RPS6KC1: variants seen among roughly 807,000 people sequenced by gnomAD.
RPS6KC1 encodes the protein ribosomal protein S6 kinase C1, also known as inactive ribosomal protein S6 kinase delta-1.
A neutral mutation model predicts 103.8 loss-of-function variants in RPS6KC1; 54 were observed. The observed-to-expected ratio is 0.52, with a 90% CI of 0.42 to 0.65. RPS6KC1 has a LOEUF of 0.65. Among genes scored for constraint, RPS6KC1 ranks in the 30% least tolerant of loss-of-function variants. The pLI, the probability that RPS6KC1 is intolerant of heterozygous loss-of-function variation, is 0.00. For synonymous variants in RPS6KC1, 439 were observed against 438.7 expected, an observed-to-expected ratio of 1.00 and a Z score of -0.01; for missense variants, 1,151 against 1,253.8, an observed-to-expected ratio of 0.92 and a Z score of 1.24.
the RPS6KC1 span, among the ~76,000 whole-genome samples, chr1:213,408,004 T>G: frequency 1.3e-5 from 2 of 152,228 alleles, no homozygotes; most frequent in South Asian, 4.1e-4. Flanking sequence ...GCTACAGATA[T>G]GGAAGCTCCA....
the RPS6KC1 span, among the ~76,000 whole-genome samples, chr1:213,764,111 C>T: frequency 6.6e-6 from 1 of 152,130 alleles, no homozygotes; most frequent in South Asian, 2.1e-4. Flanking sequence ...CAATATTTGT[C>T]GACTGGAAAT....
the RPS6KC1 span, among the ~76,000 whole-genome samples, chr1:213,636,543 G>A: frequency 6.6e-6 from 1 of 152,138 alleles, no homozygotes; most frequent in Non-Finnish European, 1.5e-5. Flanking sequence ...AAATGGTGCT[G>A]GGAGAACTGG....
At chr1:213,596,571 G>A in the RPS6KC1 span, among the ~76,000 whole-genome samples, 1 of 152,246 alleles carries the variant, frequency 6.6e-6, no homozygotes, top group Non-Finnish European at 1.5e-5. Flanking sequence ...CCCCTTGGGT[G>A]AGAGAACCCT....
At chr1:213,511,390 TG>T in the RPS6KC1 span, among the ~76,000 whole-genome samples, 1 of 152,154 alleles carries the variant, frequency 6.6e-6, no homozygotes, top group Non-Finnish European at 1.5e-5. Context: ...AGCAGCAGCC[TG>T]GGAAGGCATT....
At chr1:213,563,271 C>A in the RPS6KC1 span, among the ~76,000 whole-genome samples, 1 of 152,036 alleles carries the variant, frequency 6.6e-6, no homozygotes, top group African/African-American at 2.4e-5. Context: ...AATGTGGTGA[C>A]ATCAAGTTTC....
intron 3 of RPS6KC1, among the ~76,000 whole-genome samples, chr1:213,084,951 C>T (rs2080242287): frequency 6.6e-6 from 1 of 152,190 alleles, no homozygotes; most frequent in African/African-American, 2.4e-5. Context: ...ATTTGTGTCA[C>T]CTGGTCAAGG....
the RPS6KC1 span, among the ~76,000 whole-genome samples, chr1:213,775,192 G>A: frequency 6.6e-6 from 1 of 152,126 alleles, no homozygotes; most frequent in Non-Finnish European, 1.5e-5. Flanking sequence ...AAATTGATAT[G>A]TAGGCATTAT....
At chr1:213,268,500 T>C (rs2094961937) in intron 14 of RPS6KC1, among the ~76,000 whole-genome samples, 1 of 150,650 alleles carries the variant, frequency 6.6e-6, no homozygotes, top group Admixed American at 6.6e-5. Flanking sequence ...ACACTGAAAA[T>C]TGTAGATATG....
the RPS6KC1 span, among the ~76,000 whole-genome samples, chr1:213,485,805 G>T: frequency 6.6e-6 from 1 of 152,180 alleles, no homozygotes; most frequent in African/African-American, 2.4e-5. Flanking sequence ...AGATGTGTGT[G>T]CTAAGCCTTG....
At chr1:213,119,654 G>T (rs951694716) in intron 5 of RPS6KC1, among the ~76,000 whole-genome samples, 7 of 151,600 alleles carry the variant, frequency 4.6e-5, no homozygotes, top group African/African-American at 1.7e-4. Flanking sequence ...AGTCAACCAT[G>T]GTGAAAGAAC....
At chr1:213,289,065 C>G in the RPS6KC1 span, among the ~76,000 whole-genome samples, 1 of 152,044 alleles carries the variant, frequency 6.6e-6, no homozygotes, top group African/African-American at 2.4e-5. Context: ...CCCTGCTGTT[C>G]CTCAGGCGCC....
chr1:213,333,748 TC>T, the RPS6KC1 span, among the ~76,000 whole-genome samples: 1 of 152,098 alleles, frequency 6.6e-6, no homozygotes, highest in Non-Finnish European at 1.5e-5. Flanking sequence ...AACCTCTGCC[TC>T]CCGGGTTCAA....
Position 213,167,914 on chromosome 1 carries a change from A to T in RPS6KC1, c.892A>T (p.Met298Leu), listed in dbSNP as rs773450346. ...GAAGAGAAGAACAGCCGAGTACCTCATGCGGGCAGAAAGTATCTCTAGTCT... is the reference window on the plus strand; with the variant it reads ...GAAGAGAAGAACAGCCGAGTACCTCTTGCGGGCAGAAAGTATCTCTAGTCT... ...AVKRRTAEYL[M>L]RAESISSLYG... Residue 298 changes from methionine (M) to leucine (L), a missense_variant, in exon 7 of 15, where the codon ATG (methionine) becomes TTG (leucine). By Grantham distance (15) the Met-to-Leu change is conservative (BLOSUM62 2). Transcript: ENST00000366960. 1 of 1,613,906 alleles carries T rather than the reference A, an allele frequency of 6.2e-7. No individual in the cohort carries two copies. The highest frequency in any genetic ancestry group is 1.3e-5 in the African/African-American group (1 of 75,020).
chr1:213,130,809 C>T lies in RPS6KC1; in HGVS notation c.835+920C>T, dbSNP rs142261485. Among the ~76,000 whole-genome samples, 670 of 152,240 alleles carry T rather than the reference C, an allele frequency of 4.4e-3. 4 individuals carry two copies. Among genetic ancestry groups the T allele is most frequent in the African/African-American group, 0.015 (642 of 41,546 alleles). On this transcript the variant is annotated intron_variant, in intron 6 of 14. Coordinates refer to ENST00000366960, the MANE Select transcript of RPS6KC1 (RefSeq NM_012424.6). ...CCATTTCTCTTGTTTTTAGGTTTCA[C>T]TCCCATTTCCTAATGCCACCAATTC...
the RPS6KC1 span, among the ~76,000 whole-genome samples, chr1:213,825,078 AGAT>A: frequency 6.6e-6 from 1 of 152,208 alleles, no homozygotes; most frequent in Non-Finnish European, 1.5e-5. Context: ...GCAAGCAAAA[AGAT>A]AAATGGAACC....
At chr1:213,087,931 A>G (rs2080572282) in intron 3 of RPS6KC1, among the ~76,000 whole-genome samples, 2 of 152,136 alleles carry the variant, frequency 1.3e-5, no homozygotes, top group Non-Finnish European at 2.9e-5. Flanking sequence ...CCTGGAGAGT[A>G]CGCTCCTAAT....
the RPS6KC1 span, among the ~76,000 whole-genome samples, chr1:213,692,532 G>A: frequency 6.6e-6 from 1 of 152,156 alleles, no homozygotes; most frequent in Non-Finnish European, 1.5e-5. Context: ...TGCTTCCAGG[G>A]TTGCCTTACT....
the RPS6KC1 span, among the ~76,000 whole-genome samples, chr1:213,552,496 C>T: frequency 1.3e-5 from 2 of 152,140 alleles, no homozygotes; most frequent in Non-Finnish European, 2.9e-5. Context: ...TCTTATTTTC[C>T]ATCCGTATAT....
chr1:213,451,659 G>A, the RPS6KC1 span, among the ~76,000 whole-genome samples: 1 of 152,160 alleles, frequency 6.6e-6, no homozygotes, highest in Admixed American at 6.5e-5. Flanking sequence ...AGCTCCTATC[G>A]GCAACATGAA....
Sources: allele counts gnomAD v4.1 joint callset (sites outside exome capture counted in the v4.1 genomes callset), GRCh38; gene constraint gnomAD v4.1.1; transcripts MANE v1.5; gene names NCBI Gene and HGNC (gene_info 2026-07-23, HGNC 2026-07-21).